Variants in FLNC observed in about 807,000 individuals in gnomAD.
FLNC encodes filamin-C.
FLNC carries 91 observed loss-of-function variants against 254.3 expected under a neutral mutation model. The ratio of observed to expected loss-of-function variants is 0.36; its 90% CI spans 0.30 to 0.43. FLNC has a LOEUF of 0.43. Ranked by LOEUF, FLNC falls within the 20% of genes least tolerant of loss-of-function variation. The pLI, the probability that FLNC is intolerant of heterozygous loss-of-function variation, is 1.00. For missense variants in FLNC, 2,853 were observed against 3,802.6 expected (o/e 0.75, Z 6.57); for synonymous variants, 1,430 against 1,577.2 (o/e 0.91, Z 2.21).
At chr7:128,840,484 T>C in intron 9 of FLNC, 64 bp from the exon 10 acceptor site, 1 of 1,609,578 alleles carries the variant, frequency 6.2e-7, no homozygotes, top group Non-Finnish European at 8.5e-7. Flanking sequence ...TTGAGGGGAT[T>C]GAGGAGCTGG....
At position 128,838,401 on chromosome 7, in the gene FLNC, A is replaced by G. The variant is rs2128934426; in HGVS notation, c.1182A>G (p.Lys394=). The G allele has an allele frequency of 5.6e-6, 9 of 1,603,260 alleles. No homozygotes were observed. Among genetic ancestry groups the G allele is most frequent in the Non-Finnish European group, 7.7e-6 (9 of 1,176,100 alleles). The change falls in exon 7 of 48, where the codon AAA becomes AAG. Residue 394 remains lysine, a synonymous_variant. Coordinates refer to ENST00000325888, the MANE Select transcript of FLNC (RefSeq NM_001458.5). ...GLEPVGNVAN[K]PTYFDIYTAG... is the part of the protein sequence containing the mutation. ...AACCTGTGGGCAATGTGGCCAACAA[A>G]CCCACCTACTTTGACATCTACACTG...
chr7:128,858,373 G>C lies in FLNC; in HGVS notation c.8028G>C (p.Lys2676Asn), dbSNP rs1196459227. Reference sequence around the variant, plus strand: ...TGATGGTGGGCGTGCACGGCCCCAAGACCCCCTGTGAGGAGGTGTACGTGA... The same window carrying C: ...TGATGGTGGGCGTGCACGGCCCCAACACCCCCTGTGAGGAGGTGTACGTGA... ...NMMMVGVHGPKTPCEEVYVKH... is the reference protein window; with the variant it reads ...NMMMVGVHGPNTPCEEVYVKH... The change falls in exon 48 of 48, where the codon AAG becomes AAC. Residue 2676 changes from lysine (K) to asparagine (N), a missense_variant. By Grantham distance (94) the Lys-to-Asn change is moderately conservative (BLOSUM62 0). Around this residue, in one of 10 missense-constraint regions of FLNC, gnomAD observed 197 missense variants for 351.5 expected, o/e 0.56. Transcript: ENST00000325888. This position sits in a 1 kb window ranked among gnomAD's most constrained non-coding sequence, Gnocchi z 6.7. 1 of 1,574,772 alleles carries C rather than the reference G, an allele frequency of 6.4e-7. No homozygotes were observed. Among genetic ancestry groups the C allele is most frequent in the Non-Finnish European group, 8.7e-7 (1 of 1,146,204 alleles).
rs199595235 is a variant in FLNC, at chr7:128,842,251, C to T, written c.2142C>T (p.Ile714=). 1.5e-4 allele frequency: 235 copies of T among 1,613,590 alleles called. No homozygotes were observed. The highest frequency in any genetic ancestry group is 1.2e-4 in the Admixed American group (7 of 59,998). Residue 714 remains isoleucine (I), a synonymous_variant, in exon 14 of 48, where the codon ATC becomes ATT. Transcript: ENST00000325888. The surrounding 1 kb of genome is among the most constrained non-coding windows in gnomAD (Gnocchi z 5.4). The stretch of plus-strand genomic sequence containing the variant: ...CACAGGACGCCGACGGCTGTCCCAT[C>T]GACATCAAGGTGATCCCCAACGGCG... ...LYAQDADGCP[I]DIKVIPNGDG...
rs752213147 is a variant in FLNC at position 128,853,825 on chromosome 7, C to T, written c.6472C>T (p.Leu2158Phe). 2 of 1,613,482 alleles carry T rather than the reference C, an allele frequency of 1.2e-6. No homozygotes were observed. The highest frequency in any genetic ancestry group is 1.7e-6 in the Non-Finnish European group (2 of 1,180,002). ...ATIGSTCDLN[L>F]KIPGNWFQMV... ...CATCGGCAGCACCTGTGACCTCAAC[C>T]TCAAGATCCCAGGTAGAAGCCTGGA... The change falls in exon 39 of 48, where the codon CTC becomes TTC. Residue 2158 changes from leucine to phenylalanine, a missense_variant. Physicochemically the swap from Leu to Phe is conservative, Grantham distance 22 (BLOSUM62 0). Transcript: ENST00000325888.
intron 1 of FLNC, among the ~76,000 whole-genome samples, chr7:128,831,621 T>G (rs1351291595): frequency 6.6e-6 from 1 of 152,214 alleles, no homozygotes; most frequent in Non-Finnish European, 1.5e-5. Context: ...ACTTAACCCC[T>G]GTCTGTCCTC....
At chr7:128,849,254 G>A (rs1585164365) in intron 29 of FLNC, 50 bp downstream of exon 29, 4 of 1,614,116 alleles carry the variant, frequency 2.5e-6, no homozygotes, top group East Asian at 2.2e-5. Flanking sequence ...GTGGTTGGCG[G>A]TAGGGGGCGG....
intron 9 of FLNC, 129 bp downstream of exon 9, chr7:128,840,289 A>T (rs1432785258): frequency 1.5e-5 from 18 of 1,172,166 alleles, no homozygotes; most frequent in Non-Finnish European, 2.1e-5. Flanking sequence ...GAGGCACCCC[A>T]GAATCTCAGG....
At position 128,837,650 on chromosome 7, in the gene FLNC, G is replaced by A. The variant is rs201906839; in HGVS notation, c.864G>A (p.Gln288=). 8 of 1,612,662 alleles carry A rather than the reference G, an allele frequency of 5.0e-6. No homozygotes were observed. Among genetic ancestry groups the A allele is most frequent in the Non-Finnish European group, 5.9e-6 (7 of 1,180,000 alleles). Residue 288 remains glutamine, a synonymous_variant, in exon 5 of 48, where the codon CAG becomes CAA. Coordinates refer to ENST00000325888, the MANE Select transcript of FLNC (RefSeq NM_001458.5). ...AIAYGPGIEP[Q]GNTVLQPAHF... is the part of the protein sequence containing the mutation. ...CCTGCCCCGTAGGCATCGAGCCACA[G>A]GGCAACACCGTGCTGCAGCCTGCCC...
At position 128,846,341 on chromosome 7, in the gene FLNC, G is replaced by A; in HGVS notation, c.4005G>A (p.Val1335=). ...AGGTCCTGTATGATGAGGTCGCTGT[G>A]CCCAAGAGCCCCTTCCGAGTGGGCG... ...LVEVLYDEVA[V]PKSPFRVGVT... is the part of the protein sequence containing the mutation. Residue 1335 remains valine, a synonymous_variant, in exon 23 of 48, where the codon GTG becomes GTA. Transcript: ENST00000325888. 6.2e-7 allele frequency: 1 copy of A among 1,613,698 alleles called. No individual in the cohort carries two copies. Among genetic ancestry groups the A allele is most frequent in the Non-Finnish European group, 8.5e-7 (1 of 1,180,010 alleles).
chr7:128,838,080 C>A lies in FLNC; in HGVS notation c.1047+16C>A. The A allele has an allele frequency of 6.2e-7, 1 of 1,601,404 alleles. No individual in the cohort carries two copies. The highest frequency in any genetic ancestry group is 1.1e-5 in the South Asian group (1 of 90,800). ...GTTACACAAGGTATCTCCCTCTAGG[C>A]CCCCCTGCCTGCGCTGCTCTTCACA... On this transcript the variant is annotated intron_variant, in intron 6 of 47. Transcript: ENST00000325888.
intron 16 of FLNC, 106 bp from the exon 17 acceptor site, chr7:128,843,123 G>A: frequency 7.3e-7 from 1 of 1,369,186 alleles, no homozygotes; most frequent in East Asian, 2.5e-5. Flanking sequence ...TTTGGAGGCT[G>A]CCCCTGTCCA....
intron 33 of FLNC, 27 bp from the exon 34 acceptor site, chr7:128,851,205 C>A: frequency 1.9e-6 from 3 of 1,613,762 alleles, no homozygotes; most frequent in Non-Finnish European, 2.5e-6. Flanking sequence ...GATGCTGACC[C>A]AGCCCCCTTT....
Position 128,842,934 on chromosome 7 carries a change from A to G in FLNC, c.2530A>G (p.Met844Val). Residue 844 changes from methionine to valine, a missense_variant, in exon 16 of 48, where the codon ATG (methionine) becomes GTG (valine). By Grantham distance (21) the Met-to-Val change is conservative (BLOSUM62 1). Transcript: ENST00000325888. This position sits in a 1 kb window ranked among gnomAD's most constrained non-coding sequence, Gnocchi z 5.4. ...ACCAGGGGCGGGCCGCTACACCATC[A>G]TGGTGCTGTTTGCCAACCAGGTACC... ...TPPGAGRYTI[M>V]VLFANQEIPA... The G allele has an allele frequency of 6.2e-7, 1 of 1,613,976 alleles. No homozygotes were observed. The highest frequency in any genetic ancestry group is 8.5e-7 in the Non-Finnish European group (1 of 1,180,024).
rs1292076381 is a variant in FLNC, at chr7:128,830,905, C to T, written c.268C>T (p.Pro90Ser). ...CATGTACCGCAAGTTCCATCCGCGC[C>T]CCAACTTCCGCCAAATGAAGCTGGA... ...KRMYRKFHPR[P>S]NFRQMKLENV... The change falls in exon 1 of 48, where the codon CCC becomes TCC. Residue 90 changes from proline to serine, a missense_variant. By Grantham distance (74) the Pro-to-Ser change is moderately conservative. Transcript: ENST00000325888. The T allele has an allele frequency of 1.2e-6, 2 of 1,613,194 alleles. No individual in the cohort carries two copies. Among genetic ancestry groups the T allele is most frequent in the East Asian group, 4.5e-5 (2 of 44,880 alleles).
intron 21 of FLNC, among the ~76,000 whole-genome samples, 195 bp downstream of exon 21, chr7:128,845,450 T>C (rs1032916691): frequency 6.6e-6 from 1 of 151,888 alleles, no homozygotes; most frequent in Admixed American, 6.6e-5. Flanking sequence ...GGGGTGGAGA[T>C]TGGCCTCTGC....
In FLNC at chr7:128,854,096, C is replaced by G. The variant is rs758838323; in HGVS notation, c.6607C>G (p.Arg2203Gly). 1 of 1,613,006 alleles carries G rather than the reference C, an allele frequency of 6.2e-7. No homozygotes were observed. Among genetic ancestry groups the G allele is most frequent in the Non-Finnish European group, 8.5e-7 (1 of 1,179,928 alleles). Residue 2203 changes from arginine to glycine, a missense_variant, in exon 40 of 48, where the codon CGC becomes GGC. Around this residue, in one of 10 missense-constraint regions of FLNC, gnomAD observed 551 missense variants for 835.0 expected, o/e 0.66. Coordinates refer to ENST00000325888, the MANE Select transcript of FLNC (RefSeq NM_001458.5). Reference sequence around the variant, plus strand: ...CAAGACGCGGGGCGGGGAGACAAAGCGCGAGGTGCGGGTGGAGGAGTCCAC... The same window carrying G: ...CAAGACGCGGGGCGGGGAGACAAAGGGCGAGGTGCGGGTGGAGGAGTCCAC... ...ISKTRGGETK[R>G]EVRVEESTQV...
chr7:128,855,272 C>T lies in FLNC; in HGVS notation c.7209C>T (p.Ser2403=). 1.2e-6 allele frequency: 2 copies of T among 1,613,894 alleles called. No homozygotes were observed. Among genetic ancestry groups the T allele is most frequent in the Non-Finnish European group, 1.7e-6 (2 of 1,179,896 alleles). Residue 2403 remains serine (S), a synonymous_variant, in exon 43 of 48, where the codon TCC becomes TCT. Coordinates refer to ENST00000325888, the MANE Select transcript of FLNC (RefSeq NM_001458.5). ...PDSPFVVPVA[S]LSDDARRLTV... is the part of the protein sequence containing the mutation. ...GCCCCTTTGTGGTGCCTGTGGCCTC[C>T]CTCTCGGATGACGCTCGCCGTCTCA... is the stretch of plus-strand genomic sequence containing the variant.
At chr7:128,844,387 G>T in intron 20 of FLNC, 121 bp downstream of exon 20, 1 of 1,278,472 alleles carries the variant, frequency 7.8e-7, no homozygotes, top group Non-Finnish European at 1.1e-6. Flanking sequence ...CAAGGGTGTG[G>T]GGCTGAGGCC....
intron 37 of FLNC, 127 bp downstream of exon 37, chr7:128,853,158 G>A (rs1396726478): frequency 9.8e-7 from 1 of 1,021,804 alleles, no homozygotes; most frequent in Non-Finnish European, 1.5e-6. Context: ...TCTGCGTCAG[G>A]ATTCGCATTC....
Sources: allele counts gnomAD v4.1 joint callset (sites outside exome capture counted in the v4.1 genomes callset), GRCh38; gene constraint gnomAD v4.1.1; regional missense constraint gnomAD v4.1.1; non-coding constraint Gnocchi (gnomAD v3.1); transcripts MANE v1.5; gene names NCBI Gene and HGNC (gene_info 2026-07-23, HGNC 2026-07-21).